The following SHISA9 variants were observed in gnomAD, a reference collection of about 807,000 sequenced individuals.
The protein encoded by SHISA9 is protein shisa-9.
In SHISA9, 13 loss-of-function variants were observed where a neutral mutation model predicts 38.0. The ratio of observed to expected loss-of-function variants is 0.34; its 90% CI spans 0.22 to 0.54. The LOEUF is 0.54. Among genes scored for constraint, SHISA9 ranks in the 20% least tolerant of loss-of-function variants. The pLI is 0.91. For missense variants in SHISA9, 538 were observed against 575.8 expected, an observed-to-expected ratio of 0.93 and a Z score of 0.67; for synonymous variants, 275 against 242.0, an observed-to-expected ratio of 1.14 and a Z score of -1.27.
rs536998623 is a variant in SHISA9 at position 12,908,727 on chromosome 16, T to G, written c.563+6100T>G. The G allele has an allele frequency of 9.1e-5, 133 of 1,455,796 alleles. No individual in the cohort carries two copies. In the African/African-American group the frequency reaches 1.8e-3, roughly 20 times the overall value. 90.2% of individuals were successfully genotyped at this position (1,455,796 alleles called of 1,614,324 possible). A position where few individuals can be genotyped will look rare whatever the true frequency, so the allele number is the denominator to read the frequency against. ...GCCAGTTCAAGAAGCTACCGTAAGA[T>G]GAAGTCTAGGAATGCTTTCTATATC... On this transcript the variant is annotated intron_variant, in intron 1 of 4. Coordinates refer to ENST00000558583, the MANE Select transcript of SHISA9 (RefSeq NM_001145204.3).
intron 2 of SHISA9, among the ~76,000 whole-genome samples, chr16:12,917,349 T>C (rs2071271761): frequency 2.0e-5 from 3 of 152,136 alleles, no homozygotes; most frequent in African/African-American, 7.2e-5. Context: ...ATATTCCGTG[T>C]GTAGGGGGTG....
At chr16:13,423,243 G>GA in the SHISA9 span, among the ~76,000 whole-genome samples, 1 of 152,182 alleles carries the variant, frequency 6.6e-6, no homozygotes, top group South Asian at 2.1e-4. Context: ...AGGCAGTACA[G>GA]AAATTGTCTA....
intron 2 of SHISA9, among the ~76,000 whole-genome samples, chr16:13,155,882 G>A (rs2050542189): frequency 6.6e-6 from 1 of 151,392 alleles, no homozygotes. Context: ...CTCCCAGAAT[G>A]AGGGAATGTG....
intron 2 of SHISA9, among the ~76,000 whole-genome samples, chr16:13,150,427 C>T (rs934893986): frequency 1.3e-5 from 2 of 152,148 alleles, no homozygotes; most frequent in Non-Finnish European, 2.9e-5. Context: ...AACCCCCTGC[C>T]ATCCTTCATT....
At chr16:13,124,168 T>G (rs966552811) in intron 2 of SHISA9, among the ~76,000 whole-genome samples, 5 of 152,300 alleles carry the variant, frequency 3.3e-5, no homozygotes, top group African/African-American at 1.2e-4. Flanking sequence ...CCTCTCCCAC[T>G]GTGCAGTCAA....
chr16:13,291,711 A>G, the SHISA9 span, among the ~76,000 whole-genome samples: 6 of 152,354 alleles, frequency 3.9e-5, no homozygotes, highest in East Asian at 7.7e-4. Context: ...AATATGTAAC[A>G]TCAAAAGAAA....
At chr16:13,195,633 A>G (rs932254417) in intron 2 of SHISA9, among the ~76,000 whole-genome samples, 3 of 152,182 alleles carry the variant, frequency 2.0e-5, no homozygotes, top group African/African-American at 7.2e-5. Context: ...TAGAGGAGAA[A>G]TCTGTCCAAC....
At chr16:13,073,862 T>C (rs933442387) in intron 2 of SHISA9, among the ~76,000 whole-genome samples, 2 of 152,044 alleles carry the variant, frequency 1.3e-5, no homozygotes, top group Admixed American at 6.5e-5. Context: ...ATGGGACAGG[T>C]TCTCCTGCAG....
chr16:13,325,598 C>T, the SHISA9 span, among the ~76,000 whole-genome samples: 2 of 152,114 alleles, frequency 1.3e-5, no homozygotes. Flanking sequence ...CACAATCTGC[C>T]GTCTGCAGGA....
At chr16:13,338,428 T>A in the SHISA9 span, among the ~76,000 whole-genome samples, 1 of 152,180 alleles carries the variant, frequency 6.6e-6, no homozygotes, top group Non-Finnish European at 1.5e-5. Flanking sequence ...GCCAAATATC[T>A]GCTGATATTT....
chr16:13,479,495 A>G, the SHISA9 span, among the ~76,000 whole-genome samples: 1 of 152,194 alleles, frequency 6.6e-6, no homozygotes, highest in Non-Finnish European at 1.5e-5. Context: ...GATGTCACTG[A>G]AACACTTGCT....
At chr16:13,299,718 A>AC in the SHISA9 span, among the ~76,000 whole-genome samples, 1 of 151,742 alleles carries the variant, frequency 6.6e-6, no homozygotes, top group South Asian at 2.1e-4. Context: ...GTCAAAAAAA[A>AC]AAAAAACAAA....
chr16:13,458,913 G>A, the SHISA9 span, among the ~76,000 whole-genome samples: 1 of 151,410 alleles, frequency 6.6e-6, no homozygotes, highest in Non-Finnish European at 1.5e-5. Context: ...TGTTTCCCAG[G>A]CTGGAGTGCA....
the SHISA9 span, among the ~76,000 whole-genome samples, chr16:13,409,468 T>C: frequency 2.5e-4 from 38 of 152,354 alleles, no homozygotes; most frequent in African/African-American, 8.4e-4. Context: ...CTTGCCCACT[T>C]GGGCTCCTGC....
chr16:13,431,966 C>A, the SHISA9 span, among the ~76,000 whole-genome samples: 46,444 of 152,044 alleles, frequency 0.31, 7,563 homozygotes, highest in South Asian at 0.5. Context: ...GAGGCTGAGG[C>A]AGGAGAATCT....
At chr16:12,970,495 ATATTTTTTTTTTTTTTTTTTT>A (rs1482682403) in intron 2 of SHISA9, among the ~76,000 whole-genome samples, 5 of 24,640 alleles carry the variant, frequency 2.0e-4, no homozygotes, top group African/African-American at 7.6e-4. Context: ...ATATATATAT[ATATTTTTTTTTTTTTTTTTTT>A]TTTTTTTTTT....
Position 13,197,104 on chromosome 16 carries a change from T to TACACAC in SHISA9, c.692-6262_692-6257dup, listed in dbSNP as rs58365720. Among the ~76,000 whole-genome samples, 321 of 106,572 alleles carry TACACAC rather than the reference T, an allele frequency of 3.0e-3. 1 individual carries two copies. Among genetic ancestry groups the TACACAC allele is most frequent in the African/African-American group, 9.8e-3 (228 of 23,210 alleles). 69.9% of individuals were successfully genotyped at this position (106,572 alleles called of 152,430 possible). On this transcript the variant is annotated intron_variant, in intron 2 of 4. Transcript: ENST00000558583. Reference sequence around the variant, plus strand: ...GAAACTGTATCTCTCTCTCTGTACATACACACACACACACACACACACACA... The same window carrying TACACAC: ...GAAACTGTATCTCTCTCTCTGTACATACACACACACACACACACACACACACACACA...
intron 3 of SHISA9, among the ~76,000 whole-genome samples, chr16:13,203,973 A>G (rs886444384): frequency 6.6e-6 from 1 of 151,792 alleles, no homozygotes; most frequent in African/African-American, 2.4e-5. Context: ...TCATCTATCA[A>G]TCCATCCACC....
the SHISA9 span, among the ~76,000 whole-genome samples, chr16:13,525,782 A>G: frequency 6.6e-6 from 1 of 152,358 alleles, no homozygotes; most frequent in Admixed American, 6.5e-5. Flanking sequence ...ACAATTATCT[A>G]TATCTCCTGT....
Sources: allele counts gnomAD v4.1 joint callset (sites outside exome capture counted in the v4.1 genomes callset), GRCh38; gene constraint gnomAD v4.1.1; transcripts MANE v1.5; gene names NCBI Gene and HGNC (gene_info 2026-07-23, HGNC 2026-07-21).